Variants in IGSF11 observed in about 807,000 individuals in gnomAD.
The protein encoded by IGSF11 is CXADR like 1.
IGSF11 carries 22 observed loss-of-function variants against 41.0 expected under a neutral mutation model. The ratio of observed to expected loss-of-function variants is 0.54; its 90% CI spans 0.38 to 0.77. IGSF11 has a LOEUF of 0.77. IGSF11 is among the 30% of genes least tolerant of loss of function. IGSF11 has a pLI of 0.00. For synonymous variants in IGSF11, 219 were observed against 201.3 expected (o/e 1.09, Z -0.74); for missense variants, 444 against 530.8 (o/e 0.84, Z 1.61).
chr3:119,130,096 T>C (rs2077458561), intron 1 of IGSF11, among the ~76,000 whole-genome samples: 2 of 152,172 alleles, frequency 1.3e-5, no homozygotes, highest in Non-Finnish European at 2.9e-5. Context: ...TGTTCCAAGA[T>C]GGCCGAATAG....
chr3:119,045,803 G>A (rs1350133422), intron 1 of IGSF11, among the ~76,000 whole-genome samples: 22 of 151,914 alleles, frequency 1.4e-4, no homozygotes, highest in African/African-American at 4.8e-4. Context: ...ATCTGAGAAC[G>A]GGCAGACTGC....
intron 1 of IGSF11, among the ~76,000 whole-genome samples, chr3:118,937,153 C>A (rs1943347176): frequency 6.6e-6 from 1 of 152,130 alleles, no homozygotes; most frequent in East Asian, 1.9e-4. Flanking sequence ...CTTTGGGAGG[C>A]CTATGTTATC....
At chr3:118,925,248 T>G (rs79151229) in intron 4 of IGSF11, among the ~76,000 whole-genome samples, 4,500 of 152,236 alleles carry the variant, frequency 0.03, 106 homozygotes, top group Middle Eastern at 0.054. Context: ...AACTTAGGAC[T>G]TTCCTTTTCC....
chr3:119,103,130 T>G (rs950595376), intron 1 of IGSF11, among the ~76,000 whole-genome samples: 2 of 151,976 alleles, frequency 1.3e-5, no homozygotes, highest in Non-Finnish European at 2.9e-5. Context: ...CCCAAGTAGC[T>G]GGGACTACAG....
At chr3:118,986,172 T>C (rs1935238183) in intron 1 of IGSF11, among the ~76,000 whole-genome samples, 1 of 152,130 alleles carries the variant, frequency 6.6e-6, no homozygotes. Context: ...AATCCATTGC[T>C]TTACCTCCCT....
chr3:118,974,101 TTTAAA>T (rs1933782762), intron 1 of IGSF11, among the ~76,000 whole-genome samples: 1 of 151,912 alleles, frequency 6.6e-6, no homozygotes, highest in South Asian at 2.1e-4. Flanking sequence ...ATCCCAGAAC[TTTAAA>T]TTAAATTTAA....
intron 1 of IGSF11, among the ~76,000 whole-genome samples, chr3:119,045,044 T>A (rs1019628809): frequency 1.6e-4 from 24 of 152,274 alleles, no homozygotes; most frequent in African/African-American, 4.3e-4. Context: ...GAACAGTACC[T>A]CACATCTCAA....
At chr3:118,924,860 G>A (rs1243043692) in intron 4 of IGSF11, among the ~76,000 whole-genome samples, 1 of 152,002 alleles carries the variant, frequency 6.6e-6, no homozygotes, top group African/African-American at 2.4e-5. Context: ...AAAGCAACAA[G>A]GGCCCAGAGA....
In IGSF11 at chr3:119,097,677, A is replaced by G. The variant is rs1367370594; in HGVS notation, c.49+7467T>C. On this transcript the variant is annotated intron_variant, in intron 1 of 6. Coordinates refer to the IGSF11 transcript ENST00000354673. Reference sequence around the variant, plus strand: ...TTTTGTTTTATTCCTCAAACTGTTCAAGAATCCAGGTGGAAAAGGAGAGTA... The same window carrying G: ...TTTTGTTTTATTCCTCAAACTGTTCGAGAATCCAGGTGGAAAAGGAGAGTA... 3.9e-5 allele frequency among the ~76,000 whole-genome samples: 6 copies of G among 152,290 alleles called. No individual in the cohort carries two copies. The South Asian group carries it at 1.0e-3, about 26-fold the overall frequency.
chr3:118,991,961 A>G (rs921680162), intron 1 of IGSF11, among the ~76,000 whole-genome samples: 20 of 152,258 alleles, frequency 1.3e-4, no homozygotes, highest in Admixed American at 1.3e-4. Flanking sequence ...ACCAGCATGG[A>G]AAGTGATGAA....
intron 1 of IGSF11, among the ~76,000 whole-genome samples, chr3:119,113,018 T>C (rs1170888976): frequency 6.6e-6 from 1 of 152,060 alleles, no homozygotes; most frequent in Non-Finnish European, 1.5e-5. Flanking sequence ...GCTACACACT[T>C]TTAAACAACC....
chr3:119,001,701 T>C (rs1559770013), intron 1 of IGSF11, among the ~76,000 whole-genome samples: 1 of 148,600 alleles, frequency 6.7e-6, no homozygotes, highest in African/African-American at 2.5e-5. Context: ...AATTCCCATC[T>C]ATGAGTGAGA....
At chr3:119,107,775 G>C (rs1297644040), upstream of IGSF11, among the ~76,000 whole-genome samples, 3 of 152,056 alleles carry the variant, frequency 2.0e-5, no homozygotes, top group Admixed American at 2.0e-4. Context: ...TAAGGTGTAA[G>C]GAAGGGATCC....
intron 4 of IGSF11, among the ~76,000 whole-genome samples, chr3:118,923,951 T>C (rs1327579455): frequency 6.6e-6 from 1 of 152,190 alleles, no homozygotes. Context: ...TACTTTTTTG[T>C]CATTAATAAG....
At position 119,116,834 on chromosome 3, in the gene IGSF11, C is replaced by A. The variant is rs552746207; in HGVS notation, c.-13-11629G>T. On this transcript the variant is annotated intron_variant, in intron 1 of 7. Transcript: ENST00000425327. ...GCATATCTGACACCCATGTCTCCAC[C>A]TGGACCTGATGGCTCTACCTGAACC... 2.6e-4 allele frequency among the ~76,000 whole-genome samples: 40 copies of A among 152,122 alleles called. 1 individual carries two copies. The highest frequency in any genetic ancestry group is 2.6e-3 in the Admixed American group (40 of 15,272).
intron 1 of IGSF11, among the ~76,000 whole-genome samples, chr3:119,014,219 G>A (rs992182739): frequency 6.6e-6 from 1 of 152,190 alleles, no homozygotes; most frequent in African/African-American, 2.4e-5. Flanking sequence ...GTTCACTCCA[G>A]CTGCTGCAGA....
upstream of IGSF11, among the ~76,000 whole-genome samples, chr3:119,036,263 T>C (rs928412088): frequency 1.3e-5 from 2 of 152,206 alleles, no homozygotes; most frequent in African/African-American, 4.8e-5. Flanking sequence ...GATATGACAG[T>C]AGAGTTTTTC....
At position 118,929,680 on chromosome 3, in the gene IGSF11, A is replaced by G. The variant is rs1015131750; in HGVS notation, c.216+432T>C. Among the ~76,000 whole-genome samples the G allele has an allele frequency of 2.0e-5, 3 of 152,138 alleles. 1 individual carries two copies. Among genetic ancestry groups the G allele is most frequent in the South Asian group, 4.1e-4 (2 of 4,830 alleles). On this transcript the variant is annotated intron_variant, in intron 2 of 6. Coordinates refer to ENST00000393775, the MANE Select transcript of IGSF11 (RefSeq NM_001015887.3). ...TTAATAATTTATATGAGACTCTTTG[A>G]GCTCACTAACATGGCTAGTCATGTT...
chr3:119,027,815 T>C (rs1369291023), intron 1 of IGSF11, among the ~76,000 whole-genome samples: 1 of 152,178 alleles, frequency 6.6e-6, no homozygotes, highest in African/African-American at 2.4e-5. Context: ...CAAGTCTTGA[T>C]CAACAAGGCT....
Sources: allele counts gnomAD v4.1 joint callset (sites outside exome capture counted in the v4.1 genomes callset), GRCh38; gene constraint gnomAD v4.1.1; transcripts MANE v1.5; gene names NCBI Gene and HGNC (gene_info 2026-07-23, HGNC 2026-07-21).